Variants in NUDCD3 observed in about 807,000 individuals in gnomAD.
NUDCD3 encodes nudC domain-containing protein 3.
Under a neutral mutation model 39.7 loss-of-function variants are expected in NUDCD3, and 13 were observed. That is an observed-to-expected ratio of 0.33 (90% confidence interval 0.21 to 0.52). NUDCD3 has a LOEUF of 0.52. Among genes scored for constraint, NUDCD3 ranks in the 20% least tolerant of loss-of-function variants. The pLI is 0.96. For synonymous variants in NUDCD3, 175 were observed against 172.4 expected (o/e 1.02, Z -0.12); for missense variants, 453 against 458.1 (o/e 0.99, Z 0.10).
intron 2 of NUDCD3, among the ~76,000 whole-genome samples, chr7:44,479,434 G>A (rs757806483): frequency 5.9e-5 from 9 of 152,052 alleles, no homozygotes; most frequent in Admixed American, 2.0e-4. Context: ...CCAGAAGTTC[G>A]AGTTCAGCCT....
At chr7:44,401,191 G>A (rs765566771) in intron 4 of NUDCD3, among the ~76,000 whole-genome samples, 2 of 152,104 alleles carry the variant, frequency 1.3e-5, no homozygotes, top group Admixed American at 1.3e-4. Context: ...GCATCCACAC[G>A]CTCAAAGCAG....
Position 44,464,468 on chromosome 7 carries a change from A to AT in NUDCD3, c.509+20499dup, listed in dbSNP as rs34103647. On this transcript the variant is annotated intron_variant, in intron 2 of 5. Transcript: ENST00000355451. ...GAAATGTACCTTGACTAGATCAACA[A>AT]TTTTTTTTTTTTGGTGGAGTCTTGC... 8.1e-3 allele frequency among the ~76,000 whole-genome samples: 1,189 copies of AT among 146,856 alleles called. 9 individuals carry two copies. Among genetic ancestry groups the AT allele is most frequent in the African/African-American group, 0.026 (1,039 of 40,340 alleles).
intron 1 of NUDCD3, among the ~76,000 whole-genome samples, chr7:44,488,212 G>A (rs1800654444): frequency 6.6e-6 from 1 of 151,568 alleles, no homozygotes; most frequent in South Asian, 2.1e-4. Context: ...GCGCACACCT[G>A]CAGTCCCAGC....
intron 2 of NUDCD3, among the ~76,000 whole-genome samples, chr7:44,452,637 T>C (rs974434469): frequency 2.6e-5 from 4 of 152,074 alleles, no homozygotes; most frequent in African/African-American, 4.8e-5. Context: ...CTAAATGTTT[T>C]TGGGAGAGGA....
intron 2 of NUDCD3, among the ~76,000 whole-genome samples, chr7:44,456,512 T>C (rs1450252919): frequency 1.3e-5 from 2 of 152,124 alleles, no homozygotes; most frequent in South Asian, 2.1e-4. Flanking sequence ...CCCACATCTA[T>C]AATCTGAACA....
intron 2 of NUDCD3, among the ~76,000 whole-genome samples, chr7:44,436,256 G>GA (rs1799461815): frequency 6.6e-6 from 1 of 152,130 alleles, no homozygotes; most frequent in Non-Finnish European, 1.5e-5. Context: ...GAAATTACAT[G>GA]ATGTCTGGGA....
At chr7:44,442,418 C>T (rs963561370) in intron 2 of NUDCD3, among the ~76,000 whole-genome samples, 4 of 152,130 alleles carry the variant, frequency 2.6e-5, no homozygotes, top group Admixed American at 2.6e-4. Context: ...TTGGGGGCAC[C>T]AGCATGGAGA....
At chr7:44,451,275 G>C (rs1278620975) in intron 2 of NUDCD3, among the ~76,000 whole-genome samples, 1 of 152,206 alleles carries the variant, frequency 6.6e-6, no homozygotes, top group Non-Finnish European at 1.5e-5. Context: ...GAGGTACCCA[G>C]AGAGTCAGAT....
chr7:44,382,157 TA>T lies in NUDCD3; in HGVS notation c.*3853del, dbSNP rs1798315367. 6.6e-6 allele frequency: 1 copy of T among 151,964 alleles called. No individual in the cohort carries two copies. The highest frequency in any genetic ancestry group is 2.1e-4 in the South Asian group (1 of 4,822). 9.4% of individuals were successfully genotyped at this position (151,964 alleles called of 1,614,324 possible). A position where few individuals can be genotyped will look rare whatever the true frequency, so the allele number is the denominator to read the frequency against. ...GGGGGTTTCTTCCCTCCCTCTGAGGTAAGACCAATCTGTTAAACTTTCAGTA... is the reference window on the plus strand; with the variant it reads ...GGGGGTTTCTTCCCTCCCTCTGAGGTAGACCAATCTGTTAAACTTTCAGTA... On this transcript the variant is annotated 3_prime_UTR_variant, in exon 6 of 6. Transcript: ENST00000355451.
At chr7:44,464,656 A>G (rs1377988431) in intron 2 of NUDCD3, among the ~76,000 whole-genome samples, 2 of 152,036 alleles carry the variant, frequency 1.3e-5, no homozygotes. Flanking sequence ...GTTTCACCAC[A>G]TTGGCCAGGC....
intron 3 of NUDCD3, chr7:44,426,124 G>A (rs1186554391): frequency 4.1e-6 from 4 of 985,340 alleles, no homozygotes; most frequent in Non-Finnish European, 4.8e-6. Context: ...CTCAGGACTG[G>A]ATGGGGCTTC....
chr7:44,471,334 T>C (rs1374496681), intron 2 of NUDCD3, among the ~76,000 whole-genome samples: 1 of 152,256 alleles, frequency 6.6e-6, no homozygotes, highest in Non-Finnish European at 1.5e-5. Flanking sequence ...ATTTGTATTA[T>C]CTTTATTGTT....
intron 2 of NUDCD3, among the ~76,000 whole-genome samples, chr7:44,454,902 C>T (rs537371699): frequency 6.6e-6 from 1 of 152,098 alleles, no homozygotes; most frequent in Non-Finnish European, 1.5e-5. Context: ...CCATTGCACT[C>T]TAGCCTGGGT....
intron 3 of NUDCD3, among the ~76,000 whole-genome samples, chr7:44,408,652 C>T (rs1325601349): frequency 1.1e-4 from 16 of 152,196 alleles, no homozygotes; most frequent in Non-Finnish European, 1.5e-5. Flanking sequence ...TCAGTATCAA[C>T]TTCTTATGGA....
rs184343324 is a variant in NUDCD3, at chr7:44,472,392, A to G, written c.509+12576T>C. ...TGAATAAAAAGATTAAAATTCTACA[A>G]AAGAACATAAAGCAAGACTTGAGTA... is the stretch of plus-strand genomic sequence containing the variant. On this transcript the variant is annotated intron_variant, in intron 2 of 5. Coordinates refer to ENST00000355451, the MANE Select transcript of NUDCD3 (RefSeq NM_015332.4). Among the ~76,000 whole-genome samples, 326 of 152,334 alleles carry G rather than the reference A, an allele frequency of 2.1e-3. 2 individuals are homozygous for G. The highest frequency in any genetic ancestry group is 1.2e-3 in the South Asian group (6 of 4,828).
chr7:44,487,446 T>G (rs1377424728), intron 1 of NUDCD3, among the ~76,000 whole-genome samples: 1 of 148,548 alleles, frequency 6.7e-6, no homozygotes, highest in Non-Finnish European at 1.5e-5. Flanking sequence ...TCTTATGCCA[T>G]CAAGTTAGGG....
chr7:44,478,279 G>A (rs989962206), intron 2 of NUDCD3, among the ~76,000 whole-genome samples: 2 of 152,272 alleles, frequency 1.3e-5, no homozygotes, highest in Non-Finnish European at 2.9e-5. Context: ...GGCCGGGCGC[G>A]GTGGCTCACG....
intron 2 of NUDCD3, among the ~76,000 whole-genome samples, chr7:44,463,839 C>T (rs1485212873): frequency 6.6e-6 from 1 of 152,050 alleles, no homozygotes; most frequent in Non-Finnish European, 1.5e-5. Flanking sequence ...AATCAACGGA[C>T]ATTTTCAAAG....
chr7:44,396,719 A>G (rs909714647), intron 4 of NUDCD3, among the ~76,000 whole-genome samples: 1 of 152,154 alleles, frequency 6.6e-6, no homozygotes, highest in Admixed American at 6.5e-5. Context: ...ACATTTAACT[A>G]CTTTCCTTAG....
Sources: gnomAD v4.1 joint callset for allele counts (sites outside exome capture counted in the v4.1 genomes callset) on GRCh38, gnomAD v4.1.1 for gene constraint, MANE v1.5 for transcripts, NCBI Gene and HGNC (gene_info 2026-07-23, HGNC 2026-07-21) for gene names.